KLF8: variants seen among roughly 807,000 people sequenced by gnomAD.
KLF8 encodes KLF transcription factor 8.
A neutral mutation model predicts 18.2 loss-of-function variants in KLF8; 10 were observed. The observed-to-expected ratio is 0.55, with a 90% CI of 0.34 to 0.93. KLF8 has a LOEUF of 0.93. Ranked by LOEUF, KLF8 falls within the 40% of genes least tolerant of loss-of-function variation. The pLI is 0.02. For synonymous variants in KLF8, 109 were observed against 97.3 expected, an observed-to-expected ratio of 1.12 and a Z score of -0.71; for missense variants, 264 against 277.9, an observed-to-expected ratio of 0.95 and a Z score of 0.36.
the KLF8 span, among the ~76,000 whole-genome samples, chrX:56,143,902 A>T: frequency 8.9e-6 from 1 of 112,297 alleles, no homozygotes; most frequent in Non-Finnish European, 1.9e-5. Context: ...ACGGGGTGAA[A>T]TCTATCCAAG....
the KLF8 span, among the ~76,000 whole-genome samples, chrX:56,091,127 C>A: frequency 9.0e-6 from 1 of 111,100 alleles, no homozygotes; most frequent in Admixed American, 9.6e-5. Context: ...CAGTTTTAAT[C>A]CCCATAAACC....
chrX:55,924,320 G>T, the KLF8 span, among the ~76,000 whole-genome samples: 2 of 111,469 alleles, frequency 1.8e-5, no homozygotes, highest in Non-Finnish European at 3.8e-5. Flanking sequence ...CTCCTGATCT[G>T]CCCGCCTCAG....
chrX:56,251,545 C>T (rs1191627684), intron 2 of KLF8, among the ~76,000 whole-genome samples: 4 of 111,024 alleles, frequency 3.6e-5, no homozygotes, highest in Non-Finnish European at 7.5e-5. Flanking sequence ...TCACTGCATC[C>T]TCTGCCTTCC....
chrX:56,117,561 A>T, the KLF8 span, among the ~76,000 whole-genome samples: 1 of 111,798 alleles, frequency 8.9e-6, no homozygotes, highest in Non-Finnish European at 1.9e-5. Context: ...CTCAATCAGA[A>T]CTGTTCATTA....
the KLF8 span, among the ~76,000 whole-genome samples, chrX:55,989,535 G>C: frequency 1.8e-5 from 2 of 112,342 alleles, no homozygotes; most frequent in Admixed American, 1.9e-4. Flanking sequence ...AACCAGCCTT[G>C]CATCCCAGGG....
the KLF8 span, among the ~76,000 whole-genome samples, chrX:56,102,551 T>G: frequency 9.0e-6 from 1 of 111,272 alleles, no homozygotes; most frequent in South Asian, 3.8e-4. Context: ...CTTTGGGCAG[T>G]ATGGCCATTT....
At chrX:56,188,281 G>C in the KLF8 span, among the ~76,000 whole-genome samples, 6 of 111,282 alleles carry the variant, frequency 5.4e-5, no homozygotes, top group South Asian at 3.8e-4. Flanking sequence ...TTGCTTCAAA[G>C]AGAATAAAAT....
chrX:56,259,244 A>G, intron 2 of KLF8, among the ~76,000 whole-genome samples: 1 of 111,129 alleles, frequency 9.0e-6, no homozygotes, highest in Middle Eastern at 4.7e-3. Context: ...AGTTGCATCA[A>G]GAAACTTTAC....
At chrX:55,924,566 C>T in the KLF8 span, among the ~76,000 whole-genome samples, 4 of 111,386 alleles carry the variant, frequency 3.6e-5, no homozygotes, top group African/African-American at 1.3e-4. Flanking sequence ...TAGTGCATGG[C>T]ACATGTTAGG....
At chrX:55,993,304 G>A in the KLF8 span, among the ~76,000 whole-genome samples, 2 of 111,922 alleles carry the variant, frequency 1.8e-5, no homozygotes, top group South Asian at 7.4e-4. Flanking sequence ...GGTTTCTAAC[G>A]TAAAGGGATG....
At chrX:56,205,419 T>C in the KLF8 span, among the ~76,000 whole-genome samples, 3 of 111,931 alleles carry the variant, frequency 2.7e-5, no homozygotes, top group African/African-American at 9.7e-5. Flanking sequence ...ATAATGCTCA[T>C]TTTAATACAT....
chrX:56,065,720 G>T, the KLF8 span, among the ~76,000 whole-genome samples: 1 of 111,078 alleles, frequency 9.0e-6, no homozygotes, highest in African/African-American at 3.3e-5. Context: ...TTTTAAAGAT[G>T]GATTTATGTT....
chrX:56,149,569 G>C, the KLF8 span, among the ~76,000 whole-genome samples: 3 of 110,395 alleles, frequency 2.7e-5, no homozygotes, highest in Non-Finnish European at 5.7e-5. Flanking sequence ...GCACATATAC[G>C]CCCTGAATCT....
At chrX:56,118,470 T>C in the KLF8 span, among the ~76,000 whole-genome samples, 1 of 111,305 alleles carries the variant, frequency 9.0e-6, no homozygotes, top group African/African-American at 3.3e-5. Context: ...ACATTTTATG[T>C]ATCGATTTCT....
chrX:56,161,085 G>T, the KLF8 span, among the ~76,000 whole-genome samples: 4 of 111,259 alleles, frequency 3.6e-5, no homozygotes, highest in South Asian at 1.2e-3. Context: ...GGCAGGCCTG[G>T]TGGTGACAAA....
the KLF8 span, among the ~76,000 whole-genome samples, chrX:56,081,691 T>C: frequency 8.9e-6 from 1 of 112,067 alleles, no homozygotes; most frequent in African/African-American, 3.2e-5. Flanking sequence ...TATGAAAGTA[T>C]GTTAGATTTT....
chrX:56,031,861 A>G, the KLF8 span, among the ~76,000 whole-genome samples: 1 of 111,519 alleles, frequency 9.0e-6, no homozygotes, highest in Non-Finnish European at 1.9e-5. Flanking sequence ...TTAAGGGCTC[A>G]CAACGTTAAA....
At chrX:55,995,911 G>A in the KLF8 span, among the ~76,000 whole-genome samples, 2 of 111,256 alleles carry the variant, frequency 1.8e-5, no homozygotes, top group South Asian at 7.6e-4. Context: ...GAATTTGAAT[G>A]TCTCCCTCTC....
chrX:55,975,791 A>C, the KLF8 span, among the ~76,000 whole-genome samples: 1 of 111,443 alleles, frequency 9.0e-6, no homozygotes, highest in Non-Finnish European at 1.9e-5. Context: ...TTTTAAAAAA[A>C]AATTGAGGTA....
Sources: gnomAD v4.1 joint callset for allele counts (sites outside exome capture counted in the v4.1 genomes callset) on GRCh38, gnomAD v4.1.1 for gene constraint, MANE v1.5 for transcripts, NCBI Gene and HGNC (gene_info 2026-07-23, HGNC 2026-07-21) for gene names.